The following TBC1D1 variants were observed in gnomAD, a reference collection of about 807,000 sequenced individuals.
TBC1D1 encodes TBC1 (tre-2/USP6, BUB2, cdc16) domain family, member 1.
TBC1D1 carries 89 observed loss-of-function variants against 125.6 expected under a neutral mutation model. The observed-to-expected ratio is 0.71, with a 90% CI of 0.60 to 0.85. The LOEUF is 0.85. Among genes scored for constraint, TBC1D1 ranks in the 40% least tolerant of loss-of-function variants. The pLI is 0.00. For missense variants in TBC1D1, 1,377 were observed against 1,469.2 expected (o/e 0.94, Z 1.03); for synonymous variants, 565 against 564.1 (o/e 1.00, Z -0.02).
chr4:37,957,975 C>T (rs911919714), intron 2 of TBC1D1, among the ~76,000 whole-genome samples: 1 of 152,188 alleles, frequency 6.6e-6, no homozygotes, highest in Non-Finnish European at 1.5e-5. Flanking sequence ...GAAAGCTTCA[C>T]TGGAAAATAT....
chr4:37,941,879 G>T (rs1466346393), intron 2 of TBC1D1, among the ~76,000 whole-genome samples: 2 of 152,208 alleles, frequency 1.3e-5, no homozygotes, highest in Non-Finnish European at 2.9e-5. Context: ...TTGCACTGTG[G>T]TCAGAGAGAC....
chr4:37,933,687 A>G (rs1015526902), intron 2 of TBC1D1, among the ~76,000 whole-genome samples: 4 of 152,230 alleles, frequency 2.6e-5, no homozygotes, highest in Non-Finnish European at 5.9e-5. Flanking sequence ...TGTGAACAAC[A>G]TATACAAAAT....
intron 2 of TBC1D1, among the ~76,000 whole-genome samples, chr4:37,936,896 AT>A (rs1265787343): frequency 2.0e-5 from 3 of 152,214 alleles, no homozygotes; most frequent in African/African-American, 7.2e-5. Context: ...GAATGAACAA[AT>A]TGTAGGTCAG....
chr4:38,032,445 A>G (rs1011643826), intron 7 of TBC1D1, among the ~76,000 whole-genome samples: 6 of 152,188 alleles, frequency 3.9e-5, no homozygotes, highest in Non-Finnish European at 8.8e-5. Context: ...GTAATTTTTG[A>G]TGGCACAGTG....
intron 2 of TBC1D1, among the ~76,000 whole-genome samples, chr4:37,974,685 G>A (rs1289574826): frequency 6.6e-6 from 1 of 152,198 alleles, no homozygotes; most frequent in African/African-American, 2.4e-5. Context: ...AGCCTCCTGA[G>A]TAGCTGGGAT....
At chr4:38,092,751 AG>A (rs1560774219) in intron 13 of TBC1D1, among the ~76,000 whole-genome samples, 1 of 142,910 alleles carries the variant, frequency 7.0e-6, no homozygotes, top group African/African-American at 2.7e-5. Context: ...AAAAAAAAAA[AG>A]AAAGAAGTAA....
chr4:38,056,412 A>G (rs1751716164), intron 12 of TBC1D1, among the ~76,000 whole-genome samples: 1 of 152,236 alleles, frequency 6.6e-6, no homozygotes, highest in African/African-American at 2.4e-5. Flanking sequence ...CTGTTAATGC[A>G]GATTGATCTT....
intron 12 of TBC1D1, among the ~76,000 whole-genome samples, chr4:38,058,289 C>A: frequency 6.6e-6 from 1 of 152,184 alleles, no homozygotes; most frequent in East Asian, 1.9e-4. Flanking sequence ...TGGTCTGTGA[C>A]CACTTTGACC....
At chr4:38,118,224 A>G (rs976775446) in intron 17 of TBC1D1, 32 bp downstream of exon 19, 1 of 1,611,696 alleles carries the variant, frequency 6.2e-7, no homozygotes, top group Non-Finnish European at 8.5e-7. Context: ...TGCCAGAACC[A>G]GCCTTCTCTT....
chr4:38,052,194 T>TGTGTGCGCGC (rs755025486), intron 11 of TBC1D1, 134 bp downstream of exon 12: 4 of 581,430 alleles, frequency 6.9e-6, no homozygotes, highest in Non-Finnish European at 2.8e-6. Context: ...TGTGTGTGTG[T>TGTGTGCGCGC]GCGCGCGCGT....
chr4:38,123,975 C>T (rs965430667), intron 17 of TBC1D1, among the ~76,000 whole-genome samples: 1 of 152,152 alleles, frequency 6.6e-6, no homozygotes, highest in Non-Finnish European at 1.5e-5. Context: ...AAGGTTATTC[C>T]TCTCACCTGC....
intron 2 of TBC1D1, among the ~76,000 whole-genome samples, chr4:37,951,490 G>A (rs77097805): frequency 0.095 from 14,476 of 152,108 alleles, 867 homozygotes; most frequent in East Asian, 0.17. Flanking sequence ...AAGGAAGGAG[G>A]GGAATTATCT....
chr4:37,954,989 A>G (rs1482593507), intron 2 of TBC1D1, among the ~76,000 whole-genome samples: 3 of 145,656 alleles, frequency 2.1e-5, no homozygotes, highest in Non-Finnish European at 4.4e-5. Context: ...TTTTTTTAAA[A>G]CCTATGTATT....
At chr4:37,962,069 GC>G (rs1213928835) in intron 2 of TBC1D1, among the ~76,000 whole-genome samples, 1 of 152,166 alleles carries the variant, frequency 6.6e-6, no homozygotes, top group Non-Finnish European at 1.5e-5. Context: ...TAAACTGTGG[GC>G]CCCATGAGGG....
At chr4:37,965,700 C>G (rs1267973989) in intron 2 of TBC1D1, among the ~76,000 whole-genome samples, 1 of 152,034 alleles carries the variant, frequency 6.6e-6, no homozygotes, top group Non-Finnish European at 1.5e-5. Context: ...TGACCCTGAG[C>G]GAAGGCTGCC....
intron 2 of TBC1D1, among the ~76,000 whole-genome samples, chr4:37,910,017 A>C (rs2925952): frequency 2.6e-5 from 4 of 152,016 alleles, no homozygotes; most frequent in Non-Finnish European, 5.9e-5. Flanking sequence ...TCTTAACACC[A>C]GATTGATTAC....
At chr4:37,900,237 G>A (rs1295386768) in intron 1 of TBC1D1, among the ~76,000 whole-genome samples, 1 of 152,026 alleles carries the variant, frequency 6.6e-6, no homozygotes, top group Non-Finnish European at 1.5e-5. Context: ...ACAACCTTGA[G>A]GACCTCGGCA....
chr4:38,047,117 A>G (rs1749642946), intron 10 of TBC1D1, among the ~76,000 whole-genome samples: 1 of 152,200 alleles, frequency 6.6e-6, no homozygotes, highest in Non-Finnish European at 1.5e-5. Context: ...ATACATACTG[A>G]TATTTTGTTC....
At chr4:37,999,166 T>A (rs918113821) in intron 2 of TBC1D1, among the ~76,000 whole-genome samples, 17 of 152,132 alleles carry the variant, frequency 1.1e-4, no homozygotes, top group Non-Finnish European at 2.5e-4. Flanking sequence ...GGAGAATCGC[T>A]TGAACCCGGA....
Sources: allele counts gnomAD v4.1 joint callset (sites outside exome capture counted in the v4.1 genomes callset), GRCh38; gene constraint gnomAD v4.1.1; transcripts MANE v1.5; gene names NCBI Gene and HGNC (gene_info 2026-07-23, HGNC 2026-07-21).